RAPGEF5: variants seen among roughly 807,000 people sequenced by gnomAD.
RAPGEF5 encodes the protein Rap guanine nucleotide exchange factor 5, also known as M-Ras-regulated GEF.
In RAPGEF5, 65 loss-of-function variants were observed where a neutral mutation model predicts 125.2. The observed-to-expected ratio is 0.52, with a 90% CI of 0.43 to 0.64. The LOEUF is 0.64. Among genes scored for constraint, RAPGEF5 ranks in the 30% least tolerant of loss-of-function variants. The pLI is 0.00. For synonymous variants in RAPGEF5, 391 were observed against 385.9 expected, an observed-to-expected ratio of 1.01 and a Z score of -0.16; for missense variants, 958 against 1,048.1, an observed-to-expected ratio of 0.91 and a Z score of 1.19.
intron 1 of RAPGEF5, among the ~76,000 whole-genome samples, chr7:22,355,791 C>T (rs189069386): frequency 6.6e-6 from 1 of 152,200 alleles, no homozygotes; most frequent in Admixed American, 6.5e-5. Flanking sequence ...AGTGGTTATC[C>T]CTCACTCTCA....
chr7:22,148,938 C>T (rs1415802228), intron 18 of RAPGEF5, among the ~76,000 whole-genome samples: 3 of 152,150 alleles, frequency 2.0e-5, no homozygotes, highest in Non-Finnish European at 4.4e-5. Flanking sequence ...CTGTGCAGCA[C>T]CCAGTTGGTT....
At chr7:22,154,076 G>C (rs1264948131) in intron 17 of RAPGEF5, among the ~76,000 whole-genome samples, 1 of 151,570 alleles carries the variant, frequency 6.6e-6, no homozygotes, top group Non-Finnish European at 1.5e-5. Flanking sequence ...TTGTCAGCCC[G>C]CAATAGGACT....
chr7:22,192,267 A>T (rs192311117), intron 11 of RAPGEF5: 1 of 152,576 alleles, frequency 6.6e-6, no homozygotes, highest in Admixed American at 6.5e-5. Flanking sequence ...TATCTATCTG[A>T]ATTTTAAAAT....
intron 7 of RAPGEF5, among the ~76,000 whole-genome samples, chr7:22,234,146 T>C (rs955778055): frequency 6.6e-6 from 1 of 152,204 alleles, no homozygotes; most frequent in African/African-American, 2.4e-5. Context: ...TCCTATGAAG[T>C]TGCATGCATA....
chr7:22,201,596 C>T (rs948450038), intron 9 of RAPGEF5, among the ~76,000 whole-genome samples: 5 of 152,144 alleles, frequency 3.3e-5, no homozygotes, highest in Non-Finnish European at 7.3e-5. Flanking sequence ...CCTACTTGAC[C>T]GAATCCAATT....
chr7:22,268,586 T>G (rs1782341694), intron 6 of RAPGEF5, among the ~76,000 whole-genome samples: 1 of 152,216 alleles, frequency 6.6e-6, no homozygotes, highest in South Asian at 2.1e-4. Context: ...AAGAGGCAGA[T>G]TATAAACATT....
intron 1 of RAPGEF5, among the ~76,000 whole-genome samples, chr7:22,354,448 G>A (rs1305989710): frequency 6.6e-6 from 1 of 152,140 alleles, no homozygotes; most frequent in Non-Finnish European, 1.5e-5. Flanking sequence ...ATCCAAGGTG[G>A]TTAACCAGAC....
intron 7 of RAPGEF5, among the ~76,000 whole-genome samples, chr7:22,233,738 T>C (rs896345294): frequency 2.0e-5 from 3 of 152,170 alleles, no homozygotes; most frequent in East Asian, 1.9e-4. Flanking sequence ...TCTTAATACA[T>C]AGAAATAGAA....
intron 1 of RAPGEF5, among the ~76,000 whole-genome samples, chr7:22,338,804 G>A (rs7799625): frequency 0.22 from 33,101 of 152,226 alleles, 3,680 homozygotes; most frequent in Admixed American, 0.24. Context: ...ACACAGAGCT[G>A]CTGTTACAGT....
At chr7:22,174,790 C>A (rs1294385552) in intron 11 of RAPGEF5, among the ~76,000 whole-genome samples, 1 of 152,162 alleles carries the variant, frequency 6.6e-6, no homozygotes, top group Non-Finnish European at 1.5e-5. Context: ...TCAGGGAACT[C>A]AGACTGGATA....
rs1226688612 is a variant in RAPGEF5, at chr7:22,357,022, C to A, written c.39G>T (p.Pro13=). ...CGGCGGCCAGGGCCGGGCTCTCGCA[C>A]GGCGGCTGCATCTTGACGGAGCCCA... ...MAVGSVKMQP[P]CESPALAAAA... Residue 13 remains proline, a synonymous_variant, in exon 1 of 26, where the codon CCG becomes CCT. Transcript: ENST00000665637. 1.9e-6 allele frequency: 2 copies of A among 1,028,952 alleles called. No homozygotes were observed. The highest frequency in any genetic ancestry group is 8.7e-5 in the East Asian group (1 of 11,500). The allele number at this position is 1,028,952 out of a possible 1,614,324, so 63.7% of individuals were successfully genotyped here.
intron 6 of RAPGEF5, among the ~76,000 whole-genome samples, chr7:22,283,597 GTCGGC>G (rs1782725780): frequency 6.6e-6 from 1 of 152,078 alleles, no homozygotes; most frequent in East Asian, 1.9e-4. Flanking sequence ...TTAAAGCTCC[GTCGGC>G]TTCTTTCAGA....
At chr7:22,248,775 G>C (rs1786544580) in intron 7 of RAPGEF5, among the ~76,000 whole-genome samples, 1 of 152,156 alleles carries the variant, frequency 6.6e-6, no homozygotes, top group Admixed American at 6.5e-5. Flanking sequence ...TAGGAAATGA[G>C]CCTTTTAAAC....
At chr7:22,325,420 C>T (rs1016890524) in intron 1 of RAPGEF5, among the ~76,000 whole-genome samples, 5 of 152,162 alleles carry the variant, frequency 3.3e-5, no homozygotes, top group Non-Finnish European at 5.9e-5. Flanking sequence ...AAACCCATCG[C>T]CACCACTGCC....
intron 9 of RAPGEF5, among the ~76,000 whole-genome samples, chr7:22,207,910 T>G (rs778824032): frequency 6.6e-6 from 1 of 152,226 alleles, no homozygotes; most frequent in Non-Finnish European, 1.5e-5. Context: ...AGATGATGCT[T>G]AATTTAGCAA....
intron 7 of RAPGEF5, among the ~76,000 whole-genome samples, chr7:22,247,068 T>A (rs1464274785): frequency 6.6e-6 from 1 of 152,044 alleles, no homozygotes; most frequent in East Asian, 1.9e-4. Flanking sequence ...TACTAAAAAG[T>A]CAAAAGACAA....
intron 1 of RAPGEF5, among the ~76,000 whole-genome samples, chr7:22,350,514 T>C (rs1054278666): frequency 5.3e-5 from 8 of 152,194 alleles, no homozygotes; most frequent in East Asian, 1.9e-4. Context: ...ATTCTATTCA[T>C]GGAAAAACCT....
intron 17 of RAPGEF5, among the ~76,000 whole-genome samples, chr7:22,151,278 G>A (rs866618268): frequency 6.6e-6 from 1 of 152,014 alleles, no homozygotes; most frequent in African/African-American, 2.4e-5. Flanking sequence ...GCTTATAAAT[G>A]ATTTTCTTAA....
chr7:22,139,390 A>C (rs997980894), intron 21 of RAPGEF5, among the ~76,000 whole-genome samples: 4 of 152,162 alleles, frequency 2.6e-5, no homozygotes, highest in Non-Finnish European at 4.4e-5. Context: ...GGGGACCATG[A>C]GTGAGGCAGA....
Sources: gnomAD v4.1 joint callset for allele counts (sites outside exome capture counted in the v4.1 genomes callset) on GRCh38, gnomAD v4.1.1 for gene constraint, MANE v1.5 for transcripts, NCBI Gene and HGNC (gene_info 2026-07-23, HGNC 2026-07-21) for gene names.